RIMS2: variants seen among roughly 807,000 people sequenced by gnomAD.
RIMS2 encodes regulating synaptic membrane exocytosis 2, also known as regulating synaptic membrane exocytosis protein 2.
A neutral mutation model predicts 174.4 loss-of-function variants in RIMS2; 59 were observed. That is an observed-to-expected ratio of 0.34 (90% CI 0.27 to 0.42). RIMS2 has a LOEUF of 0.42. RIMS2 is among the 10% of genes least tolerant of loss of function. The pLI is 1.00. For missense variants in RIMS2, 1,620 were observed against 1,666.3 expected (o/e 0.97, Z 0.48); for synonymous variants, 606 against 572.5 (o/e 1.06, Z -0.84).
At position 103,781,999 on chromosome 8, in the gene RIMS2, C is replaced by T. The variant is rs190409938; in HGVS notation, c.698+15462C>T. ...CTGACCTCCGGTGATCCGCCCACCT[C>T]GGCCTCCCAAAGTGCTTGGATTAAA... On this transcript the variant is annotated intron_variant, in intron 3 of 23. Transcript: ENST00000504942. 6.4e-4 allele frequency among the ~76,000 whole-genome samples: 98 copies of T among 151,986 alleles called. No individual in the cohort carries two copies. In the East Asian group the frequency reaches 0.014, roughly 21 times the overall value.
chr8:103,706,501 T>C (rs1185202009), intron 2 of RIMS2, among the ~76,000 whole-genome samples: 1 of 152,164 alleles, frequency 6.6e-6, no homozygotes, highest in Non-Finnish European at 1.5e-5. Flanking sequence ...GGTAATGAAT[T>C]CCCTCAGGTT....
chr8:103,795,066 C>T (rs1256906498), intron 3 of RIMS2, among the ~76,000 whole-genome samples: 2 of 152,178 alleles, frequency 1.3e-5, no homozygotes, highest in South Asian at 2.1e-4. Context: ...ACCATTTGAC[C>T]GAGCCATCCC....
At chr8:103,679,681 A>T (rs909306962) in intron 1 of RIMS2, among the ~76,000 whole-genome samples, 1 of 152,012 alleles carries the variant, frequency 6.6e-6, no homozygotes, top group African/African-American at 2.4e-5. Flanking sequence ...TTCCTTAGTG[A>T]TGAGGGAGAC....
intron 13 of RIMS2, 110 bp downstream of exon 15, chr8:103,936,832 A>C (rs2081356566): frequency 4.3e-5 from 35 of 812,660 alleles, no homozygotes; most frequent in Non-Finnish European, 6.2e-5. Context: ...ATGGTGGCTC[A>C]TGCCTGTAAT....
At chr8:104,092,085 A>G (rs75624397) in intron 19 of RIMS2, among the ~76,000 whole-genome samples, 2,719 of 151,866 alleles carry the variant, frequency 0.018, 135 homozygotes, top group East Asian at 0.15. Flanking sequence ...AAGAAGAGTC[A>G]ATTATTAAAA....
intron 19 of RIMS2, among the ~76,000 whole-genome samples, chr8:104,162,225 G>A (rs1011345310): frequency 6.6e-6 from 1 of 152,122 alleles, no homozygotes; most frequent in Non-Finnish European, 1.5e-5. Context: ...AAGAAATACT[G>A]TAGACATATT....
intron 19 of RIMS2, among the ~76,000 whole-genome samples, chr8:104,203,846 G>A (rs2099067314): frequency 6.6e-6 from 1 of 152,104 alleles, no homozygotes; most frequent in Admixed American, 6.6e-5. Context: ...AACAATTGAA[G>A]CAATAAATCC....
chr8:103,724,759 A>G (rs988968684), intron 2 of RIMS2, among the ~76,000 whole-genome samples: 1 of 152,188 alleles, frequency 6.6e-6, no homozygotes, highest in African/African-American at 2.4e-5. Context: ...TAATGTTCAC[A>G]GCCACTTTTT....
At chr8:103,922,008 T>A (rs570363822) in intron 10 of RIMS2, 185 of 284,148 alleles carry the variant, frequency 6.5e-4, no homozygotes, top group Middle Eastern at 3.3e-3. Context: ...TTACATTTTG[T>A]AAAGGTACCT....
intron 19 of RIMS2, among the ~76,000 whole-genome samples, chr8:104,173,091 C>T (rs528348346): frequency 6.6e-6 from 1 of 152,172 alleles, no homozygotes; most frequent in Non-Finnish European, 1.5e-5. Context: ...TACAATTTTC[C>T]TGCTTACTAC....
At chr8:103,924,511 G>A (rs976346826) in intron 10 of RIMS2, among the ~76,000 whole-genome samples, 1 of 151,400 alleles carries the variant, frequency 6.6e-6, no homozygotes. Context: ...TCAACCCTAA[G>A]GAAAACTAGG....
chr8:103,626,195 G>A (rs1005211725), intron 1 of RIMS2, among the ~76,000 whole-genome samples: 1 of 152,058 alleles, frequency 6.6e-6, no homozygotes, highest in Admixed American at 6.5e-5. Flanking sequence ...TCAGATATTT[G>A]TATTAACAGA....
intron 19 of RIMS2, among the ~76,000 whole-genome samples, chr8:104,048,718 T>C (rs541454293): frequency 7.1e-6 from 1 of 140,978 alleles, no homozygotes; most frequent in Non-Finnish European, 1.6e-5. Context: ...GACATATACA[T>C]TAGAAACACA....
intron 2 of RIMS2, among the ~76,000 whole-genome samples, chr8:103,742,887 C>T (rs183380774): frequency 7.9e-5 from 12 of 152,224 alleles, no homozygotes; most frequent in African/African-American, 2.9e-4. Context: ...TACATATACT[C>T]GTACCTTTCT....
At chr8:103,849,445 T>G (rs1187739184) in intron 3 of RIMS2, among the ~76,000 whole-genome samples, 1 of 152,074 alleles carries the variant, frequency 6.6e-6, no homozygotes, top group East Asian at 1.9e-4. Flanking sequence ...AGGAAACATG[T>G]GGTCTCAGGT....
chr8:103,825,585 A>G (rs1352516222), intron 3 of RIMS2, among the ~76,000 whole-genome samples: 1 of 151,816 alleles, frequency 6.6e-6, no homozygotes, highest in African/African-American at 2.4e-5. Context: ...CTCCCGGCCT[A>G]CTCAACATAG....
intron 15 of RIMS2, among the ~76,000 whole-genome samples, chr8:103,965,445 T>G (rs932636465): frequency 6.6e-6 from 1 of 152,184 alleles, no homozygotes; most frequent in African/African-American, 2.4e-5. Context: ...ACTTGTTCAT[T>G]GTTGATATAT....
chr8:103,819,222 A>C, intron 3 of RIMS2: 1 of 1,235,194 alleles, frequency 8.1e-7, no homozygotes. Flanking sequence ...TCAGCTTCAC[A>C]CTTCAGCTGG....
chr8:103,891,273 T>G (rs2154521554), intron 4 of RIMS2, among the ~76,000 whole-genome samples: 1 of 152,186 alleles, frequency 6.6e-6, no homozygotes, highest in East Asian at 1.9e-4. Context: ...AAATATATAT[T>G]TCTTTCTGTA....
Sources: allele counts gnomAD v4.1 joint callset (sites outside exome capture counted in the v4.1 genomes callset), GRCh38; gene constraint gnomAD v4.1.1; transcripts MANE v1.5; gene names NCBI Gene and HGNC (gene_info 2026-07-23, HGNC 2026-07-21).